DENND1B: variants seen among roughly 807,000 people sequenced by gnomAD.
DENND1B encodes DENN domain-containing protein 1B.
DENND1B carries 59 observed loss-of-function variants against 90.1 expected under a neutral mutation model. The observed-to-expected ratio is 0.65, with a 90% confidence interval of 0.53 to 0.81. DENND1B has a LOEUF of 0.81. Among genes scored for constraint, DENND1B ranks in the 40% least tolerant of loss-of-function variants. The pLI, the probability that DENND1B is intolerant of heterozygous loss-of-function variation, is 0.00. For missense variants in DENND1B, 862 were observed against 912.6 expected, an observed-to-expected ratio of 0.94 and a Z score of 0.71; for synonymous variants, 337 against 324.6, an observed-to-expected ratio of 1.04 and a Z score of -0.41.
At chr1:197,523,848 G>C (rs1219731666) in intron 20 of DENND1B, among the ~76,000 whole-genome samples, 1 of 151,748 alleles carries the variant, frequency 6.6e-6, no homozygotes. Context: ...CTATACATGG[G>C]GTCCATTGTT....
intron 2 of DENND1B, among the ~76,000 whole-genome samples, chr1:197,724,220 T>A (rs1354525212): frequency 2.0e-5 from 3 of 152,040 alleles, no homozygotes; most frequent in African/African-American, 7.2e-5. Flanking sequence ...CATAAAAACA[T>A]GTGTAAGCTA....
At chr1:197,548,848 T>C (rs1252745279) in intron 16 of DENND1B, among the ~76,000 whole-genome samples, 2 of 152,088 alleles carry the variant, frequency 1.3e-5, no homozygotes, top group African/African-American at 4.8e-5. Flanking sequence ...AATTTCATAG[T>C]ATAGGGGCAA....
intron 2 of DENND1B, among the ~76,000 whole-genome samples, chr1:197,720,170 G>A (rs1447801275): frequency 6.6e-6 from 1 of 152,090 alleles, no homozygotes; most frequent in African/African-American, 2.4e-5. Context: ...TGATAAGCAT[G>A]TAATTTAATA....
At chr1:197,539,539 T>C (rs958200668) in intron 20 of DENND1B, among the ~76,000 whole-genome samples, 1 of 152,212 alleles carries the variant, frequency 6.6e-6, no homozygotes, top group African/African-American at 2.4e-5. Flanking sequence ...AATAAAATAA[T>C]CTAACTTTAG....
At chr1:197,714,824 A>T (rs1571468867) in intron 3 of DENND1B, among the ~76,000 whole-genome samples, 1 of 151,982 alleles carries the variant, frequency 6.6e-6, no homozygotes, top group African/African-American at 2.4e-5. Context: ...CAATATAAGG[A>T]CTCCTTCATC....
chr1:197,597,971 G>A (rs1251054142), intron 13 of DENND1B, among the ~76,000 whole-genome samples: 2 of 151,756 alleles, frequency 1.3e-5, no homozygotes, highest in African/African-American at 4.8e-5. Context: ...TAGGTATAGG[G>A]TTAAATAAAA....
rs1442124404 is a variant in DENND1B at position 197,510,851 on chromosome 1, G to C, written c.1937C>G (p.Ser646Cys). The C allele has an allele frequency of 3.1e-6, 5 of 1,611,666 alleles. No individual in the cohort carries two copies. In the African/African-American group the frequency reaches 6.7e-5, roughly 22 times the overall value. ...ACTAGAGGAAACCCGCTTCCTAGGAGATGGAGGGAGGTGTTTGCCATGGAG... is the reference window on the plus strand; with the variant it reads ...ACTAGAGGAAACCCGCTTCCTAGGACATGGAGGGAGGTGTTTGCCATGGAG... ...SALHGKHLPPSPRKRVSSSGL... is the reference protein window; with the variant it reads ...SALHGKHLPPCPRKRVSSSGL... The change falls in exon 23 of 23, where the codon TCT (serine) becomes TGT (cysteine). Residue 646 changes from serine to cysteine, a missense_variant. Transcript: ENST00000620048.
intron 15 of DENND1B, among the ~76,000 whole-genome samples, chr1:197,566,285 C>G (rs1400674052): frequency 2.6e-5 from 4 of 152,068 alleles, no homozygotes; most frequent in Non-Finnish European, 5.9e-5. Context: ...GCATAAATGT[C>G]TTCTTTTGAG....
At chr1:197,520,038 G>C (rs1284149579) in intron 20 of DENND1B, among the ~76,000 whole-genome samples, 1 of 151,768 alleles carries the variant, frequency 6.6e-6, no homozygotes, top group Admixed American at 6.6e-5. Context: ...GGCAGGCATG[G>C]GATAGCCTCT....
At chr1:197,707,454 T>G (rs1432633385) in intron 3 of DENND1B, among the ~76,000 whole-genome samples, 1 of 151,636 alleles carries the variant, frequency 6.6e-6, no homozygotes, top group Non-Finnish European at 1.5e-5. Context: ...TGATAAAAGT[T>G]TGAGGTGATG....
At chr1:197,572,232 T>C (rs1229333680) in intron 15 of DENND1B, among the ~76,000 whole-genome samples, 2 of 152,170 alleles carry the variant, frequency 1.3e-5, no homozygotes, top group Non-Finnish European at 2.9e-5. Flanking sequence ...GCTTTTCCCA[T>C]GGTCTTAGCA....
chr1:197,598,491 T>C (rs1410237696), intron 13 of DENND1B, among the ~76,000 whole-genome samples: 1 of 151,866 alleles, frequency 6.6e-6, no homozygotes, highest in East Asian at 1.9e-4. Flanking sequence ...TAATTAGCTT[T>C]TAGCAGTTTT....
chr1:197,519,625 T>C (rs766321200), intron 20 of DENND1B, among the ~76,000 whole-genome samples: 23 of 151,938 alleles, frequency 1.5e-4, no homozygotes. Context: ...TGTACTAAAC[T>C]ATGATTGCTA....
chr1:197,588,262 T>A (rs1440241770), intron 14 of DENND1B, among the ~76,000 whole-genome samples: 4 of 152,248 alleles, frequency 2.6e-5, no homozygotes, highest in Admixed American at 2.0e-4. Context: ...CCTAGTATGC[T>A]GCTCAACTTC....
chr1:197,736,367 G>A lies in DENND1B; in HGVS notation c.83-21293C>T, dbSNP rs76517960. ...CTGTCTCTCTATCTATCTATCTATC[G>A]AGACAGGATCTTGCTCTCTTGCTCA... On this transcript the variant is annotated intron_variant, in intron 2 of 22. Coordinates refer to ENST00000620048, the MANE Select transcript of DENND1B (RefSeq NM_001195215.2). Among the ~76,000 whole-genome samples, 150 of 152,026 alleles carry A rather than the reference G, an allele frequency of 9.9e-4. No homozygotes were observed. The East Asian group carries it at 0.027, about 27-fold the overall frequency.
chr1:197,549,915 A>G (rs903687100), intron 16 of DENND1B, among the ~76,000 whole-genome samples: 1 of 151,804 alleles, frequency 6.6e-6, no homozygotes, highest in Admixed American at 6.6e-5. Context: ...ATGTGAATCT[A>G]GATGTTCCTT....
At chr1:197,626,493 A>C (rs61829316) in intron 10 of DENND1B, among the ~76,000 whole-genome samples, 2 of 152,224 alleles carry the variant, frequency 1.3e-5, no homozygotes, top group Admixed American at 6.5e-5. Context: ...ACAAAGACAC[A>C]ACATACCACA....
intron 20 of DENND1B, among the ~76,000 whole-genome samples, 178 bp from the exon 21 acceptor site, chr1:197,513,131 A>C (rs1668149158): frequency 6.6e-6 from 1 of 150,576 alleles, no homozygotes; most frequent in Non-Finnish European, 1.5e-5. Context: ...GGAAGCAATA[A>C]GGTATATTTA....
rs187154053 is a variant in DENND1B at position 197,602,196 on chromosome 1, T to C, written c.921+4877A>G. On this transcript the variant is annotated intron_variant, in intron 13 of 22. Transcript: ENST00000620048. ...CTTATAAAATGTTCTAGGAGGTAAC[T>C]GTAAACAGACTTTAAAAGCAAGTTT... 3.1e-3 allele frequency among the ~76,000 whole-genome samples: 475 copies of C among 151,762 alleles called. 1 individual carries two copies. The highest frequency in any genetic ancestry group is 8.5e-3 in the South Asian group (41 of 4,826).
Sources: gnomAD v4.1 joint callset for allele counts (sites outside exome capture counted in the v4.1 genomes callset) on GRCh38, gnomAD v4.1.1 for gene constraint, MANE v1.5 for transcripts, NCBI Gene and HGNC (gene_info 2026-07-23, HGNC 2026-07-21) for gene names.